The following FAM185A variants were observed in gnomAD, a reference collection of about 807,000 sequenced individuals.
FAM185A encodes family with sequence similarity 185 member A, also known as protein FAM185A.
Under a neutral mutation model 45.7 loss-of-function variants are expected in FAM185A, and 21 were observed. That is an observed-to-expected ratio of 0.46 (90% confidence interval 0.33 to 0.66). The LOEUF (loss-of-function observed/expected upper bound fraction) is 0.66. Ranked by LOEUF, FAM185A falls within the 30% of genes least tolerant of loss-of-function variation. FAM185A has a pLI of 0.03. For missense variants in FAM185A, 305 were observed against 485.4 expected (o/e 0.63, Z 3.49); for synonymous variants, 117 against 194.0 (o/e 0.60, Z 3.30).
chr7:102,848,555 CAAAAAAAAAAAAAAAAAAAAAAAAAA>C, the FAM185A span, among the ~76,000 whole-genome samples: 19 of 1,818 alleles, frequency 0.01, no homozygotes, highest in Admixed American at 0.03. Context: ...GACTCCGTCT[CAAAAAAAAAAAAAAAAAAAAAAAAAA>C]AAAAAAAAAA....
chr7:102,847,654 G>A, the FAM185A span, among the ~76,000 whole-genome samples: 1 of 152,028 alleles, frequency 6.6e-6, no homozygotes, highest in Admixed American at 6.5e-5. Context: ...AGCCTCCGGA[G>A]TAGCTGGGAC....
intron 4 of FAM185A, among the ~76,000 whole-genome samples, chr7:102,764,979 G>A (rs868805090): frequency 9.8e-5 from 15 of 152,400 alleles, no homozygotes; most frequent in African/African-American, 2.9e-4. Context: ...CATGTATTGA[G>A]TACCTAAATT....
intron 6 of FAM185A, among the ~76,000 whole-genome samples, chr7:102,783,113 A>C (rs1233910893): frequency 6.6e-6 from 1 of 151,876 alleles, no homozygotes; most frequent in Non-Finnish European, 1.5e-5. Flanking sequence ...TCGTAAATAT[A>C]TATGCACCCA....
chr7:102,749,761 C>T, intron 1 of FAM185A, 103 bp downstream of exon 1: 1 of 1,460,978 alleles, frequency 6.8e-7, no homozygotes, highest in Non-Finnish European at 9.0e-7. Context: ...GCTCTCTAAA[C>T]CTAATTTACA....
At chr7:102,827,321 T>C in the FAM185A span, among the ~76,000 whole-genome samples, 1 of 152,144 alleles carries the variant, frequency 6.6e-6, no homozygotes, top group African/African-American at 2.4e-5. Context: ...TGCAGCTCCT[T>C]GGGCAACCCT....
chr7:102,777,216 A>C, intron 5 of FAM185A, 37 bp from the exon 6 acceptor site: 2 of 1,549,184 alleles, frequency 1.3e-6, no homozygotes, highest in Non-Finnish European at 1.7e-6. Flanking sequence ...TTTATCAAGT[A>C]AGAATTATTT....
chr7:102,780,478 G>A (rs1795334903), intron 6 of FAM185A, among the ~76,000 whole-genome samples: 1 of 152,204 alleles, frequency 6.6e-6, no homozygotes. Flanking sequence ...CCAAAAGCCT[G>A]TAATCTACTC....
At position 102,808,482 on chromosome 7, in the gene FAM185A, T is replaced by C. The variant is rs1487278358; in HGVS notation, c.*80T>C. The C allele has an allele frequency of 6.5e-5, 59 of 904,830 alleles. 1 individual carries two copies. In the East Asian group the frequency reaches 1.5e-3, roughly 23 times the overall value. The allele number at this position is 904,830 out of a possible 1,614,324, so 56.1% of individuals were successfully genotyped here. On this transcript the variant is annotated 3_prime_UTR_variant, in exon 8 of 8. Transcript: ENST00000413034. Reference sequence around the variant, plus strand: ...ACAAAAATGTAAATCCCACCATTCATATAAAGGTTGAAAACAACAAATTGA... The same window carrying C: ...ACAAAAATGTAAATCCCACCATTCACATAAAGGTTGAAAACAACAAATTGA...
In FAM185A at chr7:102,777,978, G is replaced by T. The variant is rs552809702; in HGVS notation, c.931+630G>T. Among the ~76,000 whole-genome samples, 526 of 152,322 alleles carry T rather than the reference G, an allele frequency of 3.5e-3. 4 individuals are homozygous for T. The highest frequency in any genetic ancestry group is 0.012 in the African/African-American group (502 of 41,576). ...TGCACACATGGATGTACACATATGT[G>T]TTGACAAGTGGCTTGGGTGAAGTAG... On this transcript the variant is annotated intron_variant, in intron 6 of 7. Coordinates refer to ENST00000413034, the MANE Select transcript of FAM185A (RefSeq NM_001145268.2).
chr7:102,849,703 T>G, the FAM185A span, among the ~76,000 whole-genome samples: 1 of 152,216 alleles, frequency 6.6e-6, no homozygotes, highest in Non-Finnish European at 1.5e-5. Context: ...CGGCTTTGTC[T>G]GTTCCCTTTT....
At chr7:102,801,541 A>G (rs1226739450) in intron 7 of FAM185A, among the ~76,000 whole-genome samples, 1 of 152,234 alleles carries the variant, frequency 6.6e-6, no homozygotes, top group African/African-American at 2.4e-5. Flanking sequence ...AAGGGGTGGA[A>G]AAAGGCATTT....
downstream of FAM185A, among the ~76,000 whole-genome samples, chr7:102,814,088 G>A (rs77719082): frequency 0.025 from 3,749 of 152,172 alleles, 164 homozygotes; most frequent in African/African-American, 0.086. Flanking sequence ...AAAAAATACT[G>A]TTATAGTCTT....
rs1350439229 is a variant in FAM185A at position 102,808,281 on chromosome 7, G to A, written c.1067-9G>A. 2.6e-6 allele frequency: 4 copies of A among 1,532,492 alleles called. No individual in the cohort carries two copies. The East Asian group carries it at 7.4e-5, about 28-fold the overall frequency. 94.9% of individuals were successfully genotyped at this position (1,532,492 alleles called of 1,614,324 possible). ...TCTTGATATAATTTTATGCAATTTTGTGTTTTAGGACTCATGAATCAAGCA... is the reference window on the plus strand; with the variant it reads ...TCTTGATATAATTTTATGCAATTTTATGTTTTAGGACTCATGAATCAAGCA... On this transcript the variant is annotated splice_polypyrimidine_tract_variant and intron_variant, in intron 7 of 7. Coordinates refer to ENST00000413034, the MANE Select transcript of FAM185A (RefSeq NM_001145268.2).
intron 6 of FAM185A, among the ~76,000 whole-genome samples, chr7:102,782,272 A>T (rs1795460596): frequency 1.3e-5 from 2 of 152,254 alleles, no homozygotes; most frequent in African/African-American, 4.8e-5. Context: ...AAGGCAGGCC[A>T]ACATTCAGAT....
chr7:102,785,010 A>G (rs1011336437), intron 6 of FAM185A, among the ~76,000 whole-genome samples: 11 of 152,092 alleles, frequency 7.2e-5, no homozygotes, highest in South Asian at 6.3e-4. Flanking sequence ...TCAATGTGCA[A>G]AAATCACAAG....
chr7:102,788,422 A>G (rs1795949374), intron 7 of FAM185A, among the ~76,000 whole-genome samples: 1 of 152,202 alleles, frequency 6.6e-6, no homozygotes, highest in Non-Finnish European at 1.5e-5. Flanking sequence ...AGAAAAAGGA[A>G]GAATTGGGGA....
the FAM185A span, among the ~76,000 whole-genome samples, chr7:102,828,204 C>A: frequency 1.3e-5 from 2 of 152,136 alleles, no homozygotes; most frequent in African/African-American, 4.8e-5. Context: ...ATTGATTCTT[C>A]CTACCCATGA....
the FAM185A span, among the ~76,000 whole-genome samples, chr7:102,827,674 C>A: frequency 6.6e-6 from 1 of 151,996 alleles, no homozygotes; most frequent in Non-Finnish European, 1.5e-5. Context: ...TATTCCTCCC[C>A]CCTCCCGCCA....
the FAM185A span, among the ~76,000 whole-genome samples, chr7:102,834,045 G>A: frequency 9.9e-6 from 1 of 101,012 alleles, no homozygotes; most frequent in Non-Finnish European, 1.9e-5. Flanking sequence ...AGGAAGGAAG[G>A]AAGGAAGGAA....
Sources: allele counts gnomAD v4.1 joint callset (sites outside exome capture counted in the v4.1 genomes callset), GRCh38; gene constraint gnomAD v4.1.1; transcripts MANE v1.5; gene names NCBI Gene and HGNC (gene_info 2026-07-23, HGNC 2026-07-21).